FAM234B: variants seen among roughly 807,000 people sequenced by gnomAD.
The protein encoded by FAM234B is protein FAM234B.
Under a neutral mutation model 69.3 loss-of-function variants are expected in FAM234B, and 33 were observed. That is an observed-to-expected ratio of 0.48 (90% CI 0.36 to 0.64). The LOEUF (loss-of-function observed/expected upper bound fraction) is 0.64, where lower values mean the gene tolerates loss of function less well. Ranked by LOEUF, FAM234B falls within the 30% of genes least tolerant of loss-of-function variation. The pLI, the probability that FAM234B is intolerant of heterozygous loss-of-function variation, is 0.00. For synonymous variants in FAM234B, 306 were observed against 306.9 expected, an observed-to-expected ratio of 1.00 and a Z score of 0.03; for missense variants, 697 against 769.7, an observed-to-expected ratio of 0.91 and a Z score of 1.12.
intron 9 of FAM234B, 124 bp downstream of exon 9, chr12:13,068,835 C>A: frequency 1.6e-6 from 1 of 635,942 alleles, no homozygotes; most frequent in Non-Finnish European, 2.7e-6. Context: ...TCAAAGAACT[C>A]AAAGTCTCAT....
chr12:13,059,664 AAT>A (rs1449733692), intron 3 of FAM234B, among the ~76,000 whole-genome samples: 4 of 152,064 alleles, frequency 2.6e-5, no homozygotes, highest in Admixed American at 6.5e-5. Context: ...TGTTTTAGAG[AAT>A]TCTAAACCAC....
chr12:13,061,833 G>A, intron 4 of FAM234B, 70 bp downstream of exon 4: 1 of 1,387,062 alleles, frequency 7.2e-7, no homozygotes, highest in South Asian at 1.3e-5. Context: ...TAATCTGTTG[G>A]GTAGGGGACC....
chr12:13,075,590 C>T (rs928170370), intron 10 of FAM234B, among the ~76,000 whole-genome samples: 2 of 149,720 alleles, frequency 1.3e-5, no homozygotes, highest in African/African-American at 4.9e-5. Context: ...GGCATACCAC[C>T]AAGCCCAGCT....
intron 10 of FAM234B, among the ~76,000 whole-genome samples, chr12:13,075,610 CT>C (rs5796522): frequency 0.42 from 51,876 of 122,674 alleles, 10,809 homozygotes; most frequent in East Asian, 0.73. Flanking sequence ...TTTTTTTTCT[CT>C]TTTTTTTTTT....
intron 1 of FAM234B, among the ~76,000 whole-genome samples, chr12:13,053,947 T>C (rs916421829): frequency 1.3e-5 from 2 of 152,218 alleles, no homozygotes; most frequent in Non-Finnish European, 2.9e-5. Context: ...TCTTCCCTAC[T>C]TGCACATCCG....
At chr12:13,053,876 T>TC (rs1281525335) in intron 1 of FAM234B, among the ~76,000 whole-genome samples, 2 of 151,970 alleles carry the variant, frequency 1.3e-5, no homozygotes, top group African/African-American at 2.4e-5. Context: ...TTTGTAGACC[T>TC]CCCCCCAGGA....
chr12:13,063,039 C>T, intron 5 of FAM234B, 64 bp downstream of exon 5: 2 of 1,536,670 alleles, frequency 1.3e-6, no homozygotes, highest in South Asian at 1.1e-5. Flanking sequence ...GTTGTCTCAG[C>T]TCCTAGTGTT....
At chr12:13,076,606 CTG>C (rs1229365004) in intron 11 of FAM234B, among the ~76,000 whole-genome samples, 2 of 152,170 alleles carry the variant, frequency 1.3e-5, no homozygotes, top group Admixed American at 6.5e-5. Flanking sequence ...TTGAATATAA[CTG>C]TGCACCCTGC....
At chr12:13,052,469 A>G (rs968038915) in intron 1 of FAM234B, among the ~76,000 whole-genome samples, 7 of 152,144 alleles carry the variant, frequency 4.6e-5, no homozygotes, top group African/African-American at 1.7e-4. Flanking sequence ...AAAAATACAT[A>G]CACCATAAAA....
intron 9 of FAM234B, 136 bp from the exon 10 acceptor site, chr12:13,071,091 CTCGGAACACCCAGT>C: frequency 1.3e-6 from 1 of 769,342 alleles, no homozygotes. Context: ...TATTCGTGCT[CTCGGAACACCCAGT>C]TTGCTTGCAT....
intron 5 of FAM234B, among the ~76,000 whole-genome samples, chr12:13,064,803 T>A (rs1374984594): frequency 2.0e-5 from 3 of 152,196 alleles, no homozygotes; most frequent in African/African-American, 4.8e-5. Context: ...TATAAGCTCC[T>A]GAGATGGAAG....
chr12:13,066,964 G>A, intron 6 of FAM234B, 177 bp downstream of exon 6: 2 of 897,160 alleles, frequency 2.2e-6, no homozygotes, highest in South Asian at 3.4e-5. Flanking sequence ...GCCTTCCCTT[G>A]CTGCCTCCTC....
At chr12:13,068,566 A>C in intron 8 of FAM234B, 64 bp from the exon 9 acceptor site, 2 of 1,580,510 alleles carry the variant, frequency 1.3e-6, no homozygotes, top group South Asian at 2.3e-5. Context: ...GAAGGGAGGG[A>C]GAGTTCTTAG....
chr12:13,071,522 G>T lies in FAM234B; in HGVS notation c.1524+126G>T, dbSNP rs1299743201. 3.5e-6 allele frequency: 3 copies of T among 846,624 alleles called. No individual in the cohort carries two copies. In the African/African-American group the frequency reaches 5.1e-5, roughly 14 times the overall value. The allele number at this position is 846,624 out of a possible 1,614,324, so 52.4% of individuals were successfully genotyped here. On this transcript the variant is annotated intron_variant, in intron 10 of 12. Transcript: ENST00000197268. The stretch of plus-strand genomic sequence containing the variant: ...AAGGGGTTGGAATAGAAACAAGTCA[G>T]CACTCGCTGGAGAAAAGCAGGAACC...
intron 3 of FAM234B, among the ~76,000 whole-genome samples, chr12:13,059,772 G>A (rs555952832): frequency 7.9e-5 from 12 of 152,212 alleles, no homozygotes; most frequent in Middle Eastern, 3.2e-3. Flanking sequence ...TCCAGCCTAG[G>A]AGTAGATTTC....
chr12:13,071,389 C>T lies in FAM234B; in HGVS notation c.1517C>T (p.Pro506Leu). ...FWAEGLSAAS[P>L]NSDIILGTEP... ...GCCGAAGGGCTGTCAGCTGCATCTC[C>T]CAATTCCGTGAGTGAGCCTGGGAGG... The change falls in exon 10 of 13, where the codon CCC (proline) becomes CTC (leucine). Residue 506 changes from proline to leucine, a missense_variant. Transcript: ENST00000197268. 6.2e-7 allele frequency: 1 copy of T among 1,614,098 alleles called. No homozygotes were observed. Among genetic ancestry groups the T allele is most frequent in the Non-Finnish European group, 8.5e-7 (1 of 1,180,000 alleles).
chr12:13,064,601 C>T (rs895586810), intron 5 of FAM234B, among the ~76,000 whole-genome samples: 1 of 152,076 alleles, frequency 6.6e-6, no homozygotes, highest in African/African-American at 2.4e-5. Context: ...AGTGTATTGC[C>T]CATCTTGCCC....
intron 10 of FAM234B, 75 bp from the exon 11 acceptor site, chr12:13,075,951 C>A (rs887689122): frequency 9.8e-7 from 1 of 1,025,630 alleles, no homozygotes; most frequent in Non-Finnish European, 1.6e-6. Context: ...TTCTACTCTG[C>A]CTTTTCACCT....
intron 1 of FAM234B, among the ~76,000 whole-genome samples, chr12:13,045,220 C>CTT (rs55882440): frequency 1.4e-5 from 2 of 140,144 alleles, no homozygotes; most frequent in Non-Finnish European, 3.1e-5. Context: ...GTTTTTTTTC[C>CTT]TTTTTTTTTT....
Sources: allele counts gnomAD v4.1 joint callset (sites outside exome capture counted in the v4.1 genomes callset), GRCh38; gene constraint gnomAD v4.1.1; transcripts MANE v1.5; gene names NCBI Gene and HGNC (gene_info 2026-07-23, HGNC 2026-07-21).